Variants in HEATR9 observed in about 807,000 individuals in gnomAD.
The protein encoded by HEATR9 is protein HEATR9.
HEATR9 carries 54 observed loss-of-function variants against 68.2 expected under a neutral mutation model. The observed-to-expected ratio is 0.79, with a 90% CI of 0.64 to 0.99. The LOEUF (loss-of-function observed/expected upper bound fraction) is 0.99. HEATR9 is among the 50% of genes least tolerant of loss of function. The probability of loss-of-function intolerance (pLI) is 0.00; values close to 1 mark genes in which losing one functional copy is unlikely to be tolerated. For missense variants in HEATR9, 662 were observed against 679.7 expected, an observed-to-expected ratio of 0.97 and a Z score of 0.29; for synonymous variants, 241 against 253.5, an observed-to-expected ratio of 0.95 and a Z score of 0.47.
rs531420377 is a variant in HEATR9 at position 35,868,442 on chromosome 17, C to G, written c.88+213G>C. 1.5e-5 allele frequency: 11 copies of G among 753,842 alleles called. No homozygotes were observed. In the South Asian group the frequency reaches 2.3e-4, roughly 16 times the overall value. The allele number at this position is 753,842 out of a possible 1,614,324, so 46.7% of individuals were successfully genotyped here. ...TGGGAGCAGAAGCTGGGGAGACACA[C>G]AGGTGTCCCATCTTAGAGATCCCTG... On this transcript the variant is annotated intron_variant, in intron 1 of 14. Transcript: ENST00000604834.
At chr17:35,856,613 G>T in intron 12 of HEATR9, 119 bp downstream of exon 12, 1 of 894,162 alleles carries the variant, frequency 1.1e-6, no homozygotes, top group Non-Finnish European at 1.8e-6. Flanking sequence ...AGGACCTGCT[G>T]CACTGTAGGT....
rs769368692 is a variant in HEATR9, at chr17:35,865,214, CCTACAGTCAT to C, written c.311_320del (p.Asp104GlyfsTer18). ...AGAATATGGAGGCCAGCAAAACACA[CCTACAGTCAT>C]CTCTCATTTTCCTCAACATCTTCTC... On this transcript the variant is annotated frameshift_variant and splice_region_variant, in exon 3 of 15. Coordinates refer to ENST00000604834, the MANE Select transcript of HEATR9 (RefSeq NM_152781.4). LOFTEE classifies it high-confidence loss of function. The C allele has an allele frequency of 7.4e-6, 12 of 1,612,654 alleles. No individual in the cohort carries two copies. In the South Asian group the frequency reaches 1.2e-4, roughly 16 times the overall value.
At position 35,856,184 on chromosome 17, in the gene HEATR9, C is replaced by T. The variant is rs1417896166; in HGVS notation, c.1267G>A (p.Val423Ile). The T allele has an allele frequency of 6.2e-7, 1 of 1,614,134 alleles. No homozygotes were observed. The highest frequency in any genetic ancestry group is 8.5e-7 in the Non-Finnish European group (1 of 1,180,010). The change falls in exon 13 of 15, where the codon GTC becomes ATC. Residue 423 changes from valine (V) to isoleucine (I), a missense_variant. Physicochemically the swap from Val to Ile is conservative, Grantham distance 29 (BLOSUM62 3). Coordinates refer to ENST00000604834, the MANE Select transcript of HEATR9 (RefSeq NM_152781.4). ...NPDATARQEA[V>I]ISLGVLGIRS... ...AGAGCCTGCCTTACCAAAGAGATGA[C>T]TGCTTCCTGGCGTGCAGTGGCATCT...
At chr17:35,863,912 C>A in intron 6 of HEATR9, 1 of 532,630 alleles carries the variant, frequency 1.9e-6, no homozygotes, top group South Asian at 2.6e-5. Flanking sequence ...ATGCATGTTC[C>A]CAGTGGTAAG....
chr17:35,856,236 G>T lies in HEATR9; in HGVS notation c.1227-12C>A, dbSNP rs1398607884. ...GGTTCATCAGTTGTCTGTGTAGAAGGGAGTGAGTATGTTATAGTTGAATTA... is the reference window on the plus strand; with the variant it reads ...GGTTCATCAGTTGTCTGTGTAGAAGTGAGTGAGTATGTTATAGTTGAATTA... On this transcript the variant is annotated splice_polypyrimidine_tract_variant and intron_variant, in intron 12 of 14. Transcript: ENST00000604834. 1 of 1,614,006 alleles carries T rather than the reference G, an allele frequency of 6.2e-7. No individual in the cohort carries two copies. The highest frequency in any genetic ancestry group is 1.3e-5 in the African/African-American group (1 of 74,904).
At position 35,857,024 on chromosome 17, in the gene HEATR9, G is replaced by A. The variant is rs183307902; in HGVS notation, c.1153-219C>T. On this transcript the variant is annotated intron_variant, in intron 11 of 14. Coordinates refer to ENST00000604834, the MANE Select transcript of HEATR9 (RefSeq NM_152781.4). ...CTCCTAACTCAGTCTTGGGTGCCAG[G>A]AAGACTTCCTGGAAGAGGTGATGCC... 1.1e-3 allele frequency among the ~76,000 whole-genome samples: 160 copies of A among 152,198 alleles called. 1 individual carries two copies. The highest frequency in any genetic ancestry group is 3.5e-3 in the African/African-American group (145 of 41,530).
chr17:35,865,153 C>A, intron 3 of HEATR9, 62 bp downstream of exon 3: 1 of 1,561,818 alleles, frequency 6.4e-7, no homozygotes, highest in Non-Finnish European at 8.7e-7. Context: ...CCTTCCTTGC[C>A]CTTCCTCACT....
intron 2 of HEATR9, 131 bp from the exon 3 acceptor site, chr17:35,865,527 G>GTGACTCCAGCTCA: frequency 4.7e-6 from 3 of 640,048 alleles, no homozygotes; most frequent in Non-Finnish European, 5.4e-6. Context: ...CATCTGAGCT[G>GTGACTCCAGCTCA]GAGTCACAGC....
At chr17:35,866,594 G>T in intron 2 of HEATR9, 130 bp downstream of exon 2, 1 of 846,974 alleles carries the variant, frequency 1.2e-6, no homozygotes, top group Non-Finnish European at 2.0e-6. Context: ...GACTGTTCAA[G>T]ATCACAGTTA....
In HEATR9 at chr17:35,858,263, T is replaced by C. The variant is rs2087847147; in HGVS notation, c.1089A>G (p.Ala363=). The C allele has an allele frequency of 1.9e-6, 3 of 1,614,070 alleles. No individual in the cohort carries two copies. Among genetic ancestry groups the C allele is most frequent in the South Asian group, 1.1e-5 (1 of 91,078 alleles). The change falls in exon 11 of 15, where the codon GCA becomes GCG. Residue 363 remains alanine, a synonymous_variant. Coordinates refer to ENST00000604834, the MANE Select transcript of HEATR9 (RefSeq NM_152781.4). ...TAAATGTGAGTTCCTCTAGCCCCTG[T>C]GCCTGGATCTGTTCCAGCCCAATGG... ...LKTIGLEQIQ[A]QGLEELTFNL...
chr17:35,855,264 T>C lies in HEATR9; in HGVS notation c.1512A>G (p.Glu504=). The change falls in exon 15 of 15, where the codon GAA becomes GAG. Residue 504 remains glutamate (E), a synonymous_variant. Transcript: ENST00000604834. ...TRFQKEPENP[E]ELTIQDFRLA... ...GTCGAAAGTCTTGAATAGTTAACTCTTCTGGGTTCTCAGGCTCTTTCTGGA... is the reference window on the plus strand; with the variant it reads ...GTCGAAAGTCTTGAATAGTTAACTCCTCTGGGTTCTCAGGCTCTTTCTGGA... 2 of 1,614,234 alleles carry C rather than the reference T, an allele frequency of 1.2e-6. No homozygotes were observed. Among genetic ancestry groups the C allele is most frequent in the Non-Finnish European group, 1.7e-6 (2 of 1,180,026 alleles).
At chr17:35,856,085 C>T (rs777901308) in intron 13 of HEATR9, 88 bp downstream of exon 13, 200 of 1,408,032 alleles carry the variant, frequency 1.4e-4, no homozygotes, top group Non-Finnish European at 1.9e-4. Context: ...GTTTACAGGC[C>T]TTTATTCCCC....
intron 8 of HEATR9, among the ~76,000 whole-genome samples, chr17:35,860,322 G>T (rs892106118): frequency 2.7e-5 from 4 of 146,602 alleles, no homozygotes; most frequent in Non-Finnish European, 6.0e-5. Context: ...AACCTGGGAG[G>T]TGGAGCTTGC....
chr17:35,864,126 T>C (rs2088106730), intron 6 of HEATR9, 120 bp downstream of exon 6: 1 of 754,464 alleles, frequency 1.3e-6, no homozygotes, highest in Non-Finnish European at 2.4e-6. Context: ...GTGGTGGCTG[T>C]GTCCTTACTG....
chr17:35,868,622 T>C (rs1324257778), intron 1 of HEATR9, 33 bp downstream of exon 1: 1 of 1,614,022 alleles, frequency 6.2e-7, no homozygotes, highest in Non-Finnish European at 8.5e-7. Flanking sequence ...AGTCCCCTGC[T>C]CTTGGCTCCA....
chr17:35,858,157 A>G, intron 11 of HEATR9, 43 bp downstream of exon 11: 2 of 1,613,066 alleles, frequency 1.2e-6, no homozygotes, highest in Non-Finnish European at 1.7e-6. Flanking sequence ...GAAAAGAGAA[A>G]GGTTTGGGTG....
rs1269690441 is a variant in HEATR9, at chr17:35,868,688, A to G, written c.55T>C (p.Tyr19His). 2 of 1,614,136 alleles carry G rather than the reference A, an allele frequency of 1.2e-6. No individual in the cohort carries two copies. The highest frequency in any genetic ancestry group is 1.7e-6 in the Non-Finnish European group (2 of 1,180,002). The change falls in exon 1 of 15, where the codon TAC becomes CAC. Residue 19 changes from tyrosine to histidine, a missense_variant. Coordinates refer to ENST00000604834, the MANE Select transcript of HEATR9 (RefSeq NM_152781.4). ...ISDVSRSMFL[Y>H]PWLEYPDKTK... ...TTGTCTGGATATTCCAGCCATGGGT[A>G]CAGGAACATTGACCTGGAGACATCA...
intron 11 of HEATR9, among the ~76,000 whole-genome samples, chr17:35,857,460 T>C (rs984104754): frequency 2.0e-5 from 3 of 152,088 alleles, no homozygotes; most frequent in East Asian, 3.9e-4. Context: ...AAAATGTCTT[T>C]AGAAATATAA....
At chr17:35,863,241 A>G (rs2088062586) in intron 7 of HEATR9, 116 bp from the exon 8 acceptor site, 1 of 1,365,430 alleles carries the variant, frequency 7.3e-7, no homozygotes, top group Non-Finnish European at 1.0e-6. Context: ...TAGGTACCAC[A>G]GTGTTGCTCA....
Sources: gnomAD v4.1 joint callset for allele counts (sites outside exome capture counted in the v4.1 genomes callset) on GRCh38, gnomAD v4.1.1 for gene constraint, MANE v1.5 for transcripts, NCBI Gene and HGNC (gene_info 2026-07-23, HGNC 2026-07-21) for gene names.